Variants in PTPRO observed in about 807,000 individuals in gnomAD.
PTPRO encodes protein tyrosine phosphatase receptor type O, also known as receptor-type tyrosine-protein phosphatase O.
Under a neutral mutation model 145.2 loss-of-function variants are expected in PTPRO, and 62 were observed. That is an observed-to-expected ratio of 0.43 (90% CI 0.35 to 0.53). The LOEUF (loss-of-function observed/expected upper bound fraction) is 0.53. Among genes scored for constraint, PTPRO ranks in the 20% least tolerant of loss-of-function variants. The pLI is 0.01. For synonymous variants in PTPRO, 565 were observed against 514.7 expected (o/e 1.10, Z -1.32); for missense variants, 1,345 against 1,482.7 (o/e 0.91, Z 1.53).
chr12:15,433,655 T>A (rs192537333), intron 1 of PTPRO, among the ~76,000 whole-genome samples: 1 of 152,220 alleles, frequency 6.6e-6, no homozygotes, highest in South Asian at 2.1e-4. Context: ...TTGTTGAAGA[T>A]CAGATGGATG....
At chr12:15,574,330 C>T (rs1368804966) in intron 19 of PTPRO, among the ~76,000 whole-genome samples, 3 of 152,150 alleles carry the variant, frequency 2.0e-5, no homozygotes, top group Admixed American at 1.3e-4. Context: ...TCATTTTTTA[C>T]ATTTCACATG....
At chr12:15,515,643 T>C (rs762103278) in intron 8 of PTPRO, 25 bp downstream of exon 8, 1 of 1,613,768 alleles carries the variant, frequency 6.2e-7, no homozygotes, top group Non-Finnish European at 8.5e-7. Flanking sequence ...ACAAGAAGAA[T>C]GACTGACCTA....
At chr12:15,391,463 G>A (rs1383059712) in intron 1 of PTPRO, among the ~76,000 whole-genome samples, 3 of 152,138 alleles carry the variant, frequency 2.0e-5, no homozygotes, top group African/African-American at 7.2e-5. Context: ...AGAGATCCCA[G>A]CTCTTAGTTG....
At chr12:15,368,117 G>A (rs1242312297) in intron 1 of PTPRO, among the ~76,000 whole-genome samples, 1 of 152,106 alleles carries the variant, frequency 6.6e-6, no homozygotes, top group Non-Finnish European at 1.5e-5. Context: ...GCCAGGGTCT[G>A]GACTCCTCCG....
chr12:15,550,144 T>C (rs1165927656), intron 14 of PTPRO, among the ~76,000 whole-genome samples: 1 of 152,242 alleles, frequency 6.6e-6, no homozygotes, highest in African/African-American at 2.4e-5. Context: ...CATAGGCTAC[T>C]GTTGACCTGA....
At chr12:15,516,393 GAGAGAGAAAGAAAGAA>G (rs1353715974) in intron 8 of PTPRO, among the ~76,000 whole-genome samples, 4 of 148,544 alleles carry the variant, frequency 2.7e-5, no homozygotes, top group Non-Finnish European at 5.9e-5. Context: ...GAAAGAGAGA[GAGAGAGAAAGAAAGAA>G]AGAGAGAAAG....
At chr12:15,396,833 T>C (rs1436081280) in intron 1 of PTPRO, among the ~76,000 whole-genome samples, 4 of 152,186 alleles carry the variant, frequency 2.6e-5, no homozygotes, top group Non-Finnish European at 5.9e-5. Context: ...ATGGACTTAA[T>C]CTTTTGCCTT....
intron 25 of PTPRO, among the ~76,000 whole-genome samples, chr12:15,591,985 GT>G (rs1233375363): frequency 1.3e-5 from 2 of 152,130 alleles, no homozygotes; most frequent in African/African-American, 2.4e-5. Flanking sequence ...GGGGGCAGAG[GT>G]TCCCCGGGTT....
At chr12:15,393,431 G>A (rs558361499) in intron 1 of PTPRO, among the ~76,000 whole-genome samples, 5 of 152,104 alleles carry the variant, frequency 3.3e-5, no homozygotes, top group South Asian at 2.1e-4. Context: ...ATTCATAATG[G>A]ATCATTGCTC....
chr12:15,571,575 G>A (rs1438202308), intron 19 of PTPRO, among the ~76,000 whole-genome samples: 2 of 152,106 alleles, frequency 1.3e-5, no homozygotes, highest in South Asian at 2.1e-4. Flanking sequence ...CGTGAGCCAC[G>A]ATGCCCAGCC....
chr12:15,359,378 G>T (rs1474672223), intron 1 of PTPRO, among the ~76,000 whole-genome samples: 1 of 149,646 alleles, frequency 6.7e-6, no homozygotes, highest in African/African-American at 2.5e-5. Context: ...ATATTATAAA[G>T]GTTTGTTTAC....
chr12:15,391,567 C>T (rs1011828199), intron 1 of PTPRO, among the ~76,000 whole-genome samples: 1 of 152,190 alleles, frequency 6.6e-6, no homozygotes, highest in African/African-American at 2.4e-5. Context: ...CACACACACT[C>T]CTTCATGTCC....
At position 15,560,176 on chromosome 12, in the gene PTPRO, T is replaced by C. The variant is rs767258240; in HGVS notation, c.2628-17T>C. On this transcript the variant is annotated splice_polypyrimidine_tract_variant and intron_variant, in intron 16 of 26. Transcript: ENST00000281171. ...AACTTTTTCATCTTTCCATCTGTTGTCTATTAATGCACACAGGCGTAGGAG... is the reference window on the plus strand; with the variant it reads ...AACTTTTTCATCTTTCCATCTGTTGCCTATTAATGCACACAGGCGTAGGAG... The C allele has an allele frequency of 1.3e-6, 2 of 1,539,508 alleles. No individual in the cohort carries two copies. The highest frequency in any genetic ancestry group is 2.3e-5 in the East Asian group (1 of 44,394).
intron 4 of PTPRO, 46 bp downstream of exon 4, chr12:15,499,640 A>C (rs547315080): frequency 6.4e-7 from 1 of 1,572,812 alleles, no homozygotes; most frequent in Non-Finnish European, 8.8e-7. Flanking sequence ...TAATTCAGTT[A>C]TATTTTGCTG....
In PTPRO at chr12:15,463,785, T is replaced by C. The variant is rs553512307; in HGVS notation, c.76-20189T>C. Among the ~76,000 whole-genome samples the C allele has an allele frequency of 3.9e-5, 6 of 152,314 alleles. No individual in the cohort carries two copies. The South Asian group carries it at 1.2e-3, about 32-fold the overall frequency. On this transcript the variant is annotated intron_variant, in intron 1 of 26. Transcript: ENST00000281171. ...GTTTGTCCAGGTATTCTTTCATTTC[T>C]ATAATACAATAATATGGTTTTACCT...
chr12:15,456,241 C>T (rs1941174271), intron 1 of PTPRO, among the ~76,000 whole-genome samples: 1 of 151,934 alleles, frequency 6.6e-6, no homozygotes, highest in Admixed American at 6.6e-5. Context: ...GTGGTTTTTA[C>T]CCTTTATTCT....
intron 1 of PTPRO, among the ~76,000 whole-genome samples, chr12:15,414,745 G>C (rs1400964351): frequency 6.6e-6 from 1 of 152,140 alleles, no homozygotes; most frequent in African/African-American, 2.4e-5. Flanking sequence ...CTGAATACTT[G>C]TAAGAGAACC....
At chr12:15,496,280 T>A (rs1274011489) in intron 2 of PTPRO, among the ~76,000 whole-genome samples, 1 of 151,498 alleles carries the variant, frequency 6.6e-6, no homozygotes, top group African/African-American at 2.4e-5. Context: ...GCAGCTGGGA[T>A]TACAGGCGTG....
chr12:15,452,326 G>T (rs1022244454), intron 1 of PTPRO, among the ~76,000 whole-genome samples: 1 of 151,984 alleles, frequency 6.6e-6, no homozygotes, highest in Non-Finnish European at 1.5e-5. Flanking sequence ...GGCCAATAAC[G>T]AGCAGTGAGA....
Sources: allele counts gnomAD v4.1 joint callset (sites outside exome capture counted in the v4.1 genomes callset), GRCh38; gene constraint gnomAD v4.1.1; transcripts MANE v1.5; gene names NCBI Gene and HGNC (gene_info 2026-07-23, HGNC 2026-07-21).